The following XAF1 variants were observed in gnomAD, a reference collection of about 807,000 sequenced individuals.
XAF1 encodes the protein XIAP associated factor 1.
A neutral mutation model predicts 32.3 loss-of-function variants in XAF1; 32 were observed. That is an observed-to-expected ratio of 0.99 (90% CI 0.75 to 1.33). The LOEUF (loss-of-function observed/expected upper bound fraction) is 1.33, where lower values mean the gene tolerates loss of function less well. Among genes scored for constraint, XAF1 ranks in the 40% most tolerant of loss-of-function variants. The probability of loss-of-function intolerance (pLI) is 0.00; values close to 1 mark genes in which losing one functional copy is unlikely to be tolerated. For missense variants in XAF1, 379 were observed against 366.0 expected (o/e 1.04, Z -0.29); for synonymous variants, 120 against 125.9 (o/e 0.95, Z 0.31).
intron 5 of XAF1, 71 bp downstream of exon 5, chr17:6,762,311 G>A (rs1975282399): frequency 1.5e-6 from 2 of 1,343,670 alleles, no homozygotes; most frequent in Admixed American, 4.7e-5. Context: ...TGATAGGAAA[G>A]GCAGATTCTG....
chr17:6,756,354 A>T, intron 1 of XAF1: 1 of 1,274,720 alleles, frequency 7.8e-7, no homozygotes. Flanking sequence ...GCTTTCTGGG[A>T]CAGTTCTGAA....
In XAF1 at chr17:6,760,489, C is replaced by G. The variant is rs36014307; in HGVS notation, c.309C>G (p.Ser103=). The part of the protein sequence containing the change: ...MQLSKLELHE[S]YCGSRTELCQ... ...TCAGCAAGCTGGAGCTCCACGAGTC[C>G]TACTGTGGCAGCCGGACAGAGCTCT... The change falls in exon 4 of 7, where the codon TCC becomes TCG. Residue 103 remains serine (S), a synonymous_variant. Coordinates refer to ENST00000361842, the MANE Select transcript of XAF1 (RefSeq NM_017523.5). 6.2e-7 allele frequency: 1 copy of G among 1,613,514 alleles called. No individual in the cohort carries two copies. The highest frequency in any genetic ancestry group is 1.3e-5 in the African/African-American group (1 of 74,902).
rs1040146974 is a variant in XAF1, at chr17:6,756,093, C to T, written c.15C>T (p.Phe5=). The T allele has an allele frequency of 2.5e-6, 4 of 1,613,920 alleles. No homozygotes were observed. Among genetic ancestry groups the T allele is most frequent in the Non-Finnish European group, 3.4e-6 (4 of 1,180,012 alleles). The change falls in exon 1 of 7, where the codon TTC becomes TTT. Residue 5 remains phenylalanine, a synonymous_variant. Coordinates refer to ENST00000361842, the MANE Select transcript of XAF1 (RefSeq NM_017523.5). The part of the protein sequence containing the change: MEGD[F]SVCRNCKRHV... Reference sequence around the variant, plus strand: ...GAGAGCAGAACATGGAAGGAGACTTCTCGGTGTGCAGGAACTGGTAAGAAA... The same window carrying T: ...GAGAGCAGAACATGGAAGGAGACTTTTCGGTGTGCAGGAACTGGTAAGAAA...
Position 6,759,685 on chromosome 17 carries a change from G to A in XAF1, c.192G>A (p.Gln64=), listed in dbSNP as rs748581301. ...HQQVGCTMCQ[Q]SMQKSSLEFH... is the part of the protein sequence containing the mutation. ...AGGTTGGGTGTACGATGTGTCAGCA[G>A]AGCATGCAGAAGTCCTCGCTGGAGT... Residue 64 remains glutamine (Q), a synonymous_variant, in exon 3 of 7, where the codon CAG becomes CAA. Transcript: ENST00000361842. The A allele has an allele frequency of 1.2e-6, 2 of 1,613,760 alleles. No homozygotes were observed. Among genetic ancestry groups the A allele is most frequent in the Admixed American group, 1.7e-5 (1 of 59,996 alleles).
chr17:6,759,036 T>G, intron 2 of XAF1: 1 of 626,122 alleles, frequency 1.6e-6, no homozygotes, highest in Non-Finnish European at 2.1e-6. Context: ...AGGGAATGGC[T>G]CCAGTCCTCC....
intron 6 of XAF1, 92 bp downstream of exon 6, chr17:6,771,076 TG>T: frequency 6.9e-7 from 1 of 1,453,434 alleles, no homozygotes; most frequent in Non-Finnish European, 9.4e-7. Flanking sequence ...TCACAAATGT[TG>T]TGGCTGAAAA....
At chr17:6,756,376 C>A in intron 1 of XAF1, 11 of 1,046,354 alleles carry the variant, frequency 1.1e-5, no homozygotes, top group South Asian at 1.9e-5. Context: ...CCAAATAGCC[C>A]GGCCAGTGGT....
chr17:6,761,974 G>A (rs1439660130), intron 4 of XAF1, 181 bp from the exon 5 acceptor site: 4 of 1,531,174 alleles, frequency 2.6e-6, no homozygotes, highest in Middle Eastern at 1.7e-4. Context: ...AATGATGTGG[G>A]TGATTCGGCC....
rs1265030632 is a variant in XAF1, at chr17:6,773,709, GA to G, written c.*541del. ...ATAAACAACTTCAGCTAACTTTCAG[GA>G]GACAAAATCAATATACAAAATATGG... On this transcript the variant is annotated 3_prime_UTR_variant, in exon 7 of 7. Coordinates refer to ENST00000361842, the MANE Select transcript of XAF1 (RefSeq NM_017523.5). 1 of 152,150 alleles carries G rather than the reference GA, an allele frequency of 6.6e-6. No homozygotes were observed. Among genetic ancestry groups the G allele is most frequent in the Non-Finnish European group, 1.5e-5 (1 of 68,042 alleles). 9.4% of individuals were successfully genotyped at this position (152,150 alleles called of 1,614,324 possible).
chr17:6,759,574 C>A (rs1453565520), intron 2 of XAF1, 88 bp from the exon 3 acceptor site: 2 of 1,594,670 alleles, frequency 1.3e-6, no homozygotes, highest in African/African-American at 2.7e-5. Flanking sequence ...ACCCGGAACA[C>A]TGTGAGCCAA....
chr17:6,761,900 C>T lies in XAF1; in HGVS notation c.422-255C>T, dbSNP rs144900763. 8.1e-6 allele frequency: 12 copies of T among 1,480,598 alleles called. No homozygotes were observed. In the African/African-American group the frequency reaches 1.3e-4, roughly 15 times the overall value. 91.7% of individuals were successfully genotyped at this position (1,480,598 alleles called of 1,614,324 possible). On this transcript the variant is annotated intron_variant, in intron 4 of 6. Coordinates refer to ENST00000361842, the MANE Select transcript of XAF1 (RefSeq NM_017523.5). Reference sequence around the variant, plus strand: ...CATCTCCTTAGAAACCAGTCCTGATCCAGGAAAATGTCTCTCCATTACGGT... The same window carrying T: ...CATCTCCTTAGAAACCAGTCCTGATTCAGGAAAATGTCTCTCCATTACGGT...
chr17:6,766,657 A>C (rs1204316817), intron 5 of XAF1, among the ~76,000 whole-genome samples: 2 of 152,156 alleles, frequency 1.3e-5, no homozygotes, highest in Non-Finnish European at 2.9e-5. Context: ...ATGAATTGTG[A>C]TTATGTGTTC....
intron 3 of XAF1, among the ~76,000 whole-genome samples, chr17:6,760,157 G>A (rs546103298): frequency 6.6e-6 from 1 of 152,212 alleles, no homozygotes; most frequent in South Asian, 2.1e-4. Flanking sequence ...AGACCAGCCT[G>A]ACCAACATGG....
intron 2 of XAF1, 39 bp from the exon 3 acceptor site, chr17:6,759,623 A>G: frequency 6.2e-7 from 1 of 1,601,210 alleles, no homozygotes. Flanking sequence ...GGGTGGACCC[A>G]CATCTGGTGT....
intron 1 of XAF1, among the ~76,000 whole-genome samples, chr17:6,756,796 G>A (rs1020002546): frequency 1.2e-4 from 18 of 152,254 alleles, no homozygotes; most frequent in African/African-American, 4.1e-4. Flanking sequence ...CTGCCTGTGT[G>A]CCCGCTGCCT....
rs200365907 is a variant in XAF1, at chr17:6,761,108, C to T, written c.421+507C>T. 1.1e-4 allele frequency among the ~76,000 whole-genome samples: 17 copies of T among 152,020 alleles called. 1 individual carries two copies. The East Asian group carries it at 2.9e-3, about 26-fold the overall frequency. On this transcript the variant is annotated intron_variant, in intron 4 of 6. Transcript: ENST00000361842. ...GGCGGAGGTTGCAGTGAGTCGAGAT[C>T]GTGCCATTGCACTCCAGCCTGGGCA...
upstream of XAF1, chr17:6,755,861 A>C (rs901186546): frequency 5.6e-5 from 77 of 1,380,136 alleles, no homozygotes; most frequent in Non-Finnish European, 6.9e-5. Context: ...TGACAGCAGC[A>C]AAGAATGACG....
Position 6,773,135 on chromosome 17 carries a change from C to G in XAF1, c.872C>G (p.Ser291Ter). 1.2e-6 allele frequency: 2 copies of G among 1,605,484 alleles called. No individual in the cohort carries two copies. Among genetic ancestry groups the G allele is most frequent in the Non-Finnish European group, 1.7e-6 (2 of 1,177,546 alleles). ...QHQEKCRWLA[S>*]SKGKQVRNFS ...TAGGAGAAATGCCGGTGGTTAGCTT[C>G]ATCAAAAGGAAAACAAGTGAGAAAT... is the stretch of plus-strand genomic sequence containing the variant. The change falls in exon 7 of 7, where the codon TCA (serine) becomes TGA (stop). Residue 291 changes from serine to a stop codon, truncating the protein, a stop_gained. Transcript: ENST00000361842. LOFTEE classifies it high-confidence loss of function.
In XAF1 at chr17:6,760,418, C is replaced by G. The variant is rs370468679; in HGVS notation, c.238C>G (p.Gln80Glu). ...CTGCCTCCCACAGGCCAATGAGTGC[C>G]AGGAGCGCCCTGTTGAGTGTAAGTT... Reference protein sequence around the residue: ...SLEFHKANECQERPVECKFCK... With the variant: ...SLEFHKANECEERPVECKFCK... Residue 80 changes from glutamine to glutamate, a missense_variant, in exon 4 of 7, where the codon CAG becomes GAG. Coordinates refer to ENST00000361842, the MANE Select transcript of XAF1 (RefSeq NM_017523.5). 286 of 1,611,668 alleles carry G rather than the reference C, an allele frequency of 1.8e-4. 3 individuals carry two copies. The South Asian group carries it at 3.1e-3, about 17-fold the overall frequency.
Sources: gnomAD v4.1 joint callset for allele counts (sites outside exome capture counted in the v4.1 genomes callset) on GRCh38, gnomAD v4.1.1 for gene constraint, MANE v1.5 for transcripts, NCBI Gene and HGNC (gene_info 2026-07-23, HGNC 2026-07-21) for gene names.